The following SPATA17 variants were observed in gnomAD, a reference collection of about 807,000 sequenced individuals.
SPATA17 encodes the protein spermatogenesis-associated protein 17.
In SPATA17, 53 loss-of-function variants were observed where a neutral mutation model predicts 62.2. That is an observed-to-expected ratio of 0.85 (90% CI 0.68 to 1.07). The LOEUF is 1.07. Ranked by LOEUF, SPATA17 falls within the 50% of genes least tolerant of loss-of-function variation. The probability of loss-of-function intolerance (pLI) is 0.00; values close to 1 mark genes in which losing one functional copy is unlikely to be tolerated. For missense variants in SPATA17, 466 were observed against 425.5 expected, an observed-to-expected ratio of 1.10 and a Z score of -0.84; for synonymous variants, 146 against 146.8, an observed-to-expected ratio of 0.99 and a Z score of 0.04.
rs1670246769 is a variant in SPATA17, at chr1:217,648,916, G to T, written c.103G>T (p.Ala35Ser). 2 of 1,609,878 alleles carry T rather than the reference G, an allele frequency of 1.2e-6. No individual in the cohort carries two copies. The highest frequency in any genetic ancestry group is 1.3e-5 in the African/African-American group (1 of 74,898). ...VDPFRKKEND[A>S]AVKIQSWFRG... ...TCCATTTAGAAAAAAGGAGAATGAT[G>T]CAGCAGTTAAAATCCAAAGCTGGTT... is the stretch of plus-strand genomic sequence containing the variant. Residue 35 changes from alanine (A) to serine (S), a missense_variant, in exon 2 of 11, where the codon GCA becomes TCA. Physicochemically the swap from Ala to Ser is moderately conservative, Grantham distance 99. Transcript: ENST00000366933.
At chr1:217,631,780 A>G (rs1341716531) in intron 1 of SPATA17, among the ~76,000 whole-genome samples, 1 of 152,226 alleles carries the variant, frequency 6.6e-6, no homozygotes, top group Admixed American at 6.5e-5. Context: ...ACCCTGACTC[A>G]CTAGCCCAAT....
chr1:217,862,922 GTTGAC>G, intron 10 of SPATA17, 66 bp downstream of exon 10: 1 of 1,027,242 alleles, frequency 9.7e-7, no homozygotes, highest in Non-Finnish European at 1.4e-6. Flanking sequence ...ATCAAATGGG[GTTGAC>G]TTAACTATCA....
chr1:217,862,892 T>C (rs753079376), intron 10 of SPATA17, 36 bp downstream of exon 10: 25 of 1,408,736 alleles, frequency 1.8e-5, no homozygotes, highest in Admixed American at 7.5e-5. Flanking sequence ...TCAAAAAGTA[T>C]ATTAAATAAC....
At chr1:217,754,634 A>G (rs925807338) in intron 6 of SPATA17, among the ~76,000 whole-genome samples, 5 of 152,170 alleles carry the variant, frequency 3.3e-5, no homozygotes, top group Admixed American at 6.5e-5. Context: ...CTTCAGTGAG[A>G]TTAGAAGAAT....
intron 8 of SPATA17, among the ~76,000 whole-genome samples, chr1:217,795,052 C>T (rs1393620034): frequency 6.6e-6 from 1 of 152,058 alleles, no homozygotes; most frequent in Non-Finnish European, 1.5e-5. Context: ...TTTTGTTGTT[C>T]TTACTATGAA....
chr1:217,697,570 G>A (rs1671488018), intron 5 of SPATA17, among the ~76,000 whole-genome samples: 1 of 151,538 alleles, frequency 6.6e-6, no homozygotes, highest in South Asian at 2.1e-4. Context: ...CCTAATATAT[G>A]GTGAATTTGA....
chr1:217,786,750 T>TTCTTC (rs1553252152), intron 8 of SPATA17, among the ~76,000 whole-genome samples: 2 of 107,436 alleles, frequency 1.9e-5, no homozygotes, highest in Non-Finnish European at 3.8e-5. Flanking sequence ...TGATATTCTC[T>TTCTTC]TTCTTCTTCT....
At chr1:217,840,913 T>G (rs1267153709) in intron 9 of SPATA17, among the ~76,000 whole-genome samples, 3 of 151,938 alleles carry the variant, frequency 2.0e-5, no homozygotes, top group African/African-American at 7.2e-5. Flanking sequence ...AGCTCTGCTT[T>G]AGAAATTGAG....
intron 1 of SPATA17, among the ~76,000 whole-genome samples, chr1:217,643,710 C>CTT (rs1670119784): frequency 7.6e-6 from 1 of 132,276 alleles, no homozygotes; most frequent in Non-Finnish European, 1.6e-5. Context: ...GAAACTCTCT[C>CTT]TCTCTATATA....
chr1:217,642,965 T>G (rs1488830900), intron 1 of SPATA17, among the ~76,000 whole-genome samples: 1 of 152,184 alleles, frequency 6.6e-6, no homozygotes, highest in African/African-American at 2.4e-5. Context: ...CAAAGAGCCT[T>G]TGTTTCTTTC....
In SPATA17 at chr1:217,870,208, C is replaced by A. The variant is rs1426172022; in HGVS notation, c.*3189C>A. The A allele has an allele frequency of 6.6e-6, 1 of 152,088 alleles. No individual in the cohort carries two copies. Among genetic ancestry groups the A allele is most frequent in the Non-Finnish European group, 1.5e-5 (1 of 68,028 alleles). The allele number at this position is 152,088 out of a possible 1,614,324, so 9.4% of individuals were successfully genotyped here. On this transcript the variant is annotated 3_prime_UTR_variant, in exon 11 of 11. Transcript: ENST00000366933. ...CCTTCATTGATTTTGTAGACCCTGA[C>A]CTTCTCTGTTCTTCCAGAGAAGGTG...
intron 9 of SPATA17, among the ~76,000 whole-genome samples, chr1:217,816,008 G>A (rs570876893): frequency 1.6e-4 from 25 of 152,144 alleles, no homozygotes; most frequent in Admixed American, 2.6e-4. Flanking sequence ...GAACAAAAAA[G>A]TACCTTATTC....
At chr1:217,794,034 T>A (rs1425367429) in intron 8 of SPATA17, among the ~76,000 whole-genome samples, 5 of 147,374 alleles carry the variant, frequency 3.4e-5, no homozygotes, top group Non-Finnish European at 7.4e-5. Flanking sequence ...GAGAATGGCG[T>A]GAACCCGGGA....
At chr1:217,842,510 TTTG>T (rs1675432304) in intron 9 of SPATA17, among the ~76,000 whole-genome samples, 1 of 151,976 alleles carries the variant, frequency 6.6e-6, no homozygotes, top group African/African-American at 2.4e-5. Context: ...TCTTATTTTG[TTTG>T]TTGTGTTTTT....
At chr1:217,734,565 CA>C (rs1239408066) in intron 5 of SPATA17, among the ~76,000 whole-genome samples, 1 of 152,230 alleles carries the variant, frequency 6.6e-6, no homozygotes, top group African/African-American at 2.4e-5. Context: ...GCCATGAAAA[CA>C]GAATAAGGAC....
chr1:217,665,362 G>T (rs1038081393), intron 3 of SPATA17: 2 of 152,128 alleles, frequency 1.3e-5, no homozygotes, highest in African/African-American at 4.8e-5. Flanking sequence ...ACTATTGAAA[G>T]TCTATGATCT....
At chr1:217,637,722 T>C (rs2102874913) in intron 1 of SPATA17, among the ~76,000 whole-genome samples, 1 of 152,306 alleles carries the variant, frequency 6.6e-6, no homozygotes, top group South Asian at 2.1e-4. Context: ...GTTGAATAGA[T>C]GTGAGTCCCT....
intron 5 of SPATA17, among the ~76,000 whole-genome samples, chr1:217,713,167 G>T (rs1317868755): frequency 6.6e-6 from 1 of 152,150 alleles, no homozygotes; most frequent in Non-Finnish European, 1.5e-5. Flanking sequence ...TGAAGGTGTG[G>T]CAAATGGAAA....
intron 9 of SPATA17, among the ~76,000 whole-genome samples, chr1:217,845,421 C>T (rs1675501144): frequency 6.6e-6 from 1 of 152,046 alleles, no homozygotes; most frequent in African/African-American, 2.4e-5. Context: ...TTTCCTAGTT[C>T]TCCAACACTA....
Sources: gnomAD v4.1 joint callset for allele counts (sites outside exome capture counted in the v4.1 genomes callset) on GRCh38, gnomAD v4.1.1 for gene constraint, MANE v1.5 for transcripts, NCBI Gene and HGNC (gene_info 2026-07-23, HGNC 2026-07-21) for gene names.